Variants in HOXB3 observed in about 807,000 individuals in gnomAD.
HOXB3 encodes the protein homeobox B3.
Under a neutral mutation model 29.2 loss-of-function variants are expected in HOXB3, and 17 were observed. The observed-to-expected ratio is 0.58, with a 90% CI of 0.40 to 0.87. HOXB3 has a LOEUF of 0.87. Among genes scored for constraint, HOXB3 ranks in the 40% least tolerant of loss-of-function variants. The pLI is 0.00. For missense variants in HOXB3, 637 were observed against 616.3 expected, an observed-to-expected ratio of 1.03 and a Z score of -0.35; for synonymous variants, 317 against 285.9, an observed-to-expected ratio of 1.11 and a Z score of -1.10.
intron 1 of HOXB3, chr17:48,576,734 G>A (rs1424543933): frequency 1.2e-6 from 2 of 1,607,980 alleles, no homozygotes; most frequent in African/African-American, 2.7e-5. Flanking sequence ...AGAGCGCGCG[G>A]GGGCCTCCAT....
At chr17:48,583,310 C>T (rs2069986448) in intron 1 of HOXB3, among the ~76,000 whole-genome samples, 1 of 152,188 alleles carries the variant, frequency 6.6e-6, no homozygotes, top group South Asian at 2.1e-4. Context: ...GAATCGTTCT[C>T]ATCAATACAG....
At chr17:48,555,358 G>GGA in intron 3 of HOXB3, 173 bp downstream of exon 3, 2 of 508,358 alleles carry the variant, frequency 3.9e-6, no homozygotes, top group Non-Finnish European at 7.1e-6. Context: ...GAGAGAGAGA[G>GGA]AGAGAGGGAG....
rs1266622123 is a variant in HOXB3, at chr17:48,550,076, C to T, written c.*258G>A. On this transcript the variant is annotated 3_prime_UTR_variant, in exon 5 of 5. Transcript: ENST00000498678. ...GAATTCCAACTTGGTAGTGCTGGAGCCCTGGGGTTGATGGGGTCATCTCCA... is the reference window on the plus strand; with the variant it reads ...GAATTCCAACTTGGTAGTGCTGGAGTCCTGGGGTTGATGGGGTCATCTCCA... 2.1e-6 allele frequency: 1 copy of T among 472,044 alleles called. No individual in the cohort carries two copies. Among genetic ancestry groups the T allele is most frequent in the Non-Finnish European group, 3.8e-6 (1 of 263,128 alleles). The allele number at this position is 472,044 out of a possible 1,614,324, so 29.2% of individuals were successfully genotyped here. A position where few individuals can be genotyped will look rare whatever the true frequency, so the allele number is the denominator to read the frequency against.
chr17:48,587,005 T>C (rs932651807), intron 1 of HOXB3, among the ~76,000 whole-genome samples: 11 of 152,026 alleles, frequency 7.2e-5, no homozygotes, highest in African/African-American at 2.7e-4. Context: ...AGGAACGACC[T>C]GAGGGGTATT....
intron 1 of HOXB3, chr17:48,580,866 C>G (rs997330555): frequency 6.6e-6 from 1 of 152,140 alleles, no homozygotes; most frequent in African/African-American, 2.4e-5. Context: ...CTGGGGTTTA[C>G]GAACCAACTT....
At chr17:48,576,661 C>CCAACCCAGCCCA in intron 1 of HOXB3, 1 of 918,220 alleles carries the variant, frequency 1.1e-6, no homozygotes, top group Non-Finnish European at 1.5e-6. Flanking sequence ...CCCCCCACCC[C>CCAACCCAGCCCA]ATCCCCTGCA....
chr17:48,558,171 G>T (rs1347624648), intron 2 of HOXB3, among the ~76,000 whole-genome samples: 1 of 152,216 alleles, frequency 6.6e-6, no homozygotes, highest in Non-Finnish European at 1.5e-5. Context: ...GGACTGCGCA[G>T]CTTTGCCTCT....
Position 48,550,397 on chromosome 17 carries a change from G to A in HOXB3, c.1233C>T (p.Ser411=), listed in dbSNP as rs1159343192. ...CEPHPTYTDL[S]SHHAPPPQGR... ...CCTGAGGAGGAGGCGCGTGGTGAGA[G>A]GAGAGGTCTGTGTAGGTGGGGTGGG... The change falls in exon 5 of 5, where the codon TCC becomes TCT. Residue 411 remains serine (S), a synonymous_variant. Transcript: ENST00000498678. The A allele has an allele frequency of 7.4e-6, 12 of 1,614,022 alleles. No homozygotes were observed. Among genetic ancestry groups the A allele is most frequent in the Non-Finnish European group, 1.0e-5 (12 of 1,180,040 alleles).
intron 1 of HOXB3, chr17:48,579,972 TCTC>T (rs754027113): frequency 2.9e-5 from 15 of 508,996 alleles, no homozygotes; most frequent in South Asian, 9.1e-5. Context: ...ATTTTCCAGT[TCTC>T]CTACTTTCCG....
chr17:48,575,349 C>A (rs933375776), intron 1 of HOXB3: 1 of 152,162 alleles, frequency 6.6e-6, no homozygotes, highest in Admixed American at 6.5e-5. Context: ...CCAGCCACCA[C>A]AATTTGGAGT....
chr17:48,552,202 CG>C lies in HOXB3; in HGVS notation c.272del (p.Pro91ArgfsTer43). The stretch of plus-strand genomic sequence containing the variant: ...TGGCACTGGTAGGTGCGGCACTGGG[CG>C]GGGGTGAGCCAGGCGGGGCCGACAG... The part of the protein sequence containing the change: ...EPLSAPPGSP[P>X]PSAAPTSATS... On this transcript the variant is annotated frameshift_variant, in exon 4 of 5. Coordinates refer to ENST00000498678, the MANE Select transcript of HOXB3 (RefSeq NM_001384749.1). LOFTEE classifies it high-confidence loss of function. The C allele has an allele frequency of 6.2e-7, 1 of 1,613,090 alleles. No individual in the cohort carries two copies. Among genetic ancestry groups the C allele is most frequent in the Non-Finnish European group, 8.5e-7 (1 of 1,179,686 alleles).
Position 48,551,997 on chromosome 17 carries a change from C to T in HOXB3, c.448+30G>A, listed in dbSNP as rs1479116939. ...GTGACATTCCTGGCTCCGACAAAAGCTGAGGACAAGGAAGGCAGAGAACTG... is the reference window on the plus strand; with the variant it reads ...GTGACATTCCTGGCTCCGACAAAAGTTGAGGACAAGGAAGGCAGAGAACTG... On this transcript the variant is annotated intron_variant, in intron 4 of 4. Coordinates refer to ENST00000498678, the MANE Select transcript of HOXB3 (RefSeq NM_001384749.1). 3 of 1,528,058 alleles carry T rather than the reference C, an allele frequency of 2.0e-6. No homozygotes were observed. The South Asian group carries it at 3.9e-5, about 20-fold the overall frequency. 94.7% of individuals were successfully genotyped at this position (1,528,058 alleles called of 1,614,324 possible). A position where few individuals can be genotyped will look rare whatever the true frequency, so the allele number is the denominator to read the frequency against.
chr17:48,578,582 G>A (rs1567964443), intron 1 of HOXB3: 1 of 384,570 alleles, frequency 2.6e-6, no homozygotes. Context: ...ATTTACATAG[G>A]GCTCCTGCGG....
chr17:48,589,096 C>T (rs1380685834), intron 1 of HOXB3, among the ~76,000 whole-genome samples: 1 of 152,056 alleles, frequency 6.6e-6, no homozygotes, highest in Non-Finnish European at 1.5e-5. Context: ...GTGACTTTTC[C>T]CTAGAAAATA....
At position 48,552,558 on chromosome 17, in the gene HOXB3, C is replaced by T. The variant is rs1567946500; in HGVS notation, c.-84G>A. On this transcript the variant is annotated 5_prime_UTR_variant, in exon 4 of 5. The change creates a new upstream start codon in the 5' untranslated region. Coordinates refer to ENST00000498678, the MANE Select transcript of HOXB3 (RefSeq NM_001384749.1). ...CGGACATTGGCAACCCTGGGGGTCACGTGACACGCCGGACCCCCCCCCCCC... is the reference window on the plus strand; with the variant it reads ...CGGACATTGGCAACCCTGGGGGTCATGTGACACGCCGGACCCCCCCCCCCC... The T allele has an allele frequency of 2.0e-6, 2 of 982,636 alleles. No homozygotes were observed. 60.9% of individuals were successfully genotyped at this position (982,636 alleles called of 1,614,324 possible).
chr17:48,572,976 G>A (rs529698744), intron 2 of HOXB3, among the ~76,000 whole-genome samples: 35 of 152,238 alleles, frequency 2.3e-4, no homozygotes, highest in African/African-American at 7.9e-4. Context: ...TCTCTCTCCT[G>A]CCAGCCTCCC....
chr17:48,576,632 C>T (rs1387627773), intron 1 of HOXB3: 2 of 1,189,478 alleles, frequency 1.7e-6, no homozygotes, highest in Admixed American at 2.9e-5. Flanking sequence ...GGGGCCCAGG[C>T]CCCAGGGCCC....
rs574754309 is a variant in HOXB3 at position 48,554,637 on chromosome 17, GC to G, written c.-159+893del. Reference sequence around the variant, plus strand: ...GACAAGCTACCAGCCACCTACGATGGCCCAAGGAGGCGAAGAAGAGCAAGCG... The same window carrying G: ...GACAAGCTACCAGCCACCTACGATGGCCAAGGAGGCGAAGAAGAGCAAGCG... On this transcript the variant is annotated intron_variant, in intron 3 of 4. Coordinates refer to ENST00000498678, the MANE Select transcript of HOXB3 (RefSeq NM_001384749.1). This position sits in a 1 kb window ranked among gnomAD's most constrained non-coding sequence, Gnocchi z 4.1. 406 of 702,178 alleles carry G rather than the reference GC, an allele frequency of 5.8e-4. No homozygotes were observed. The African/African-American group carries it at 6.6e-3, about 11-fold the overall frequency. 43.5% of individuals were successfully genotyped at this position (702,178 alleles called of 1,614,324 possible).
At chr17:48,561,390 ACTC>A (rs1489004763) in intron 2 of HOXB3, among the ~76,000 whole-genome samples, 6 of 151,896 alleles carry the variant, frequency 4.0e-5, no homozygotes, top group African/African-American at 1.5e-4. Context: ...CCTCAGGGCT[ACTC>A]CTCAGCTGAG....
Sources: gnomAD v4.1 joint callset for allele counts (sites outside exome capture counted in the v4.1 genomes callset) on GRCh38, gnomAD v4.1.1 for gene constraint, Gnocchi (gnomAD v3.1) non-coding constraint, MANE v1.5 for transcripts, NCBI Gene and HGNC (gene_info 2026-07-23, HGNC 2026-07-21) for gene names.